RPL18A: variants seen among roughly 807,000 people sequenced by gnomAD.
RPL18A encodes ribosomal protein L18a.
For synonymous variants in RPL18A, 122 were observed against 96.9 expected, an observed-to-expected ratio of 1.26 and a Z score of -1.52; for missense variants, 163 against 254.1, an observed-to-expected ratio of 0.64 and a Z score of 2.44.
chr19:17,861,707 G>A (rs1243522960), intron 2 of RPL18A: 1 of 566,330 alleles, frequency 1.8e-6, no homozygotes, highest in Non-Finnish European at 3.1e-6. Context: ...CGGGTGGGTG[G>A]CATGGTGGGA....
Position 17,861,323 on chromosome 19 carries a change from C to G in RPL18A, c.49C>G (p.Leu17Val). Residue 17 changes from leucine (L) to valine (V), a missense_variant, in exon 2 of 5, where the codon CTG becomes GTG. Transcript: ENST00000222247. Reference protein sequence around the residue: ...LREYKVVGRCLPTPKCHTPPL... With the variant: ...LREYKVVGRCVPTPKCHTPPL... ...AGAGTACAAGGTAGTGGGTCGCTGCCTGCCCACCCCCAAATGCCACACGCC... is the reference window on the plus strand; with the variant it reads ...AGAGTACAAGGTAGTGGGTCGCTGCGTGCCCACCCCCAAATGCCACACGCC... 6.2e-7 allele frequency: 1 copy of G among 1,613,814 alleles called. No homozygotes were observed. Among genetic ancestry groups the G allele is most frequent in the Non-Finnish European group, 8.5e-7 (1 of 1,179,822 alleles).
intron 1 of RPL18A, among the ~76,000 whole-genome samples, chr19:17,860,535 C>G (rs879480387): frequency 6.6e-6 from 1 of 152,144 alleles, no homozygotes; most frequent in Non-Finnish European, 1.5e-5. Flanking sequence ...GTCAAAGGGG[C>G]GGGCCCCATT....
intron 1 of RPL18A, chr19:17,860,427 G>T: frequency 1.2e-5 from 2 of 166,836 alleles, no homozygotes; most frequent in Non-Finnish European, 2.6e-5. Flanking sequence ...GTACATACTG[G>T]ATAGAATCAA....
intron 1 of RPL18A, 133 bp from the exon 2 acceptor site, chr19:17,861,160 A>G: frequency 1.4e-6 from 1 of 707,606 alleles, no homozygotes; most frequent in Non-Finnish European, 2.4e-6. Context: ...CCAAGAATCC[A>G]CATGGAGGCC....
At chr19:17,863,105 G>C in intron 4 of RPL18A, 66 bp from the exon 5 acceptor site, 31 of 1,541,764 alleles carry the variant, frequency 2.0e-5, no homozygotes, top group Non-Finnish European at 2.8e-5. Flanking sequence ...GCTACACCTT[G>C]GTGGCCCCAC....
chr19:17,861,024 C>T (rs1230028454), intron 1 of RPL18A: 2 of 497,220 alleles, frequency 4.0e-6, no homozygotes, highest in Admixed American at 3.6e-5. Context: ...CCACAGCTTT[C>T]CTGGTCTGAA....
At chr19:17,862,708 AG>A in intron 3 of RPL18A, 1 of 760,610 alleles carries the variant, frequency 1.3e-6, no homozygotes, top group South Asian at 1.4e-5. Flanking sequence ...GTGAATTTGG[AG>A]GTTCCACAAC....
At chr19:17,862,315 G>A in intron 3 of RPL18A, 92 bp downstream of exon 3, 1 of 1,479,248 alleles carries the variant, frequency 6.8e-7, no homozygotes. Context: ...CAGTGCAGGA[G>A]AGTCTCAGGA....
At position 17,859,946 on chromosome 19, in the gene RPL18A, G is replaced by C. The variant is rs747977852; in HGVS notation, c.-11G>C. ...CCTTTTGCGGGTGGCGGCGAACGCG[G>C]AGAGCACGCCATGAAGGCCTCGGGC... On this transcript the variant is annotated 5_prime_UTR_variant, in exon 1 of 5. Transcript: ENST00000222247. The C allele has an allele frequency of 2.3e-5, 36 of 1,543,596 alleles. No homozygotes were observed. Among genetic ancestry groups the C allele is most frequent in the Non-Finnish European group, 3.1e-5 (35 of 1,145,652 alleles).
At chr19:17,862,015 G>A (rs1435012365) in intron 2 of RPL18A, 79 bp from the exon 3 acceptor site, 1 of 1,532,100 alleles carries the variant, frequency 6.5e-7, no homozygotes, top group Admixed American at 1.9e-5. Flanking sequence ...GTGCTTTAGA[G>A]GCAGAGGGTT....
intron 1 of RPL18A, 56 bp downstream of exon 1, chr19:17,860,030 G>C: frequency 6.9e-7 from 1 of 1,446,596 alleles, no homozygotes. Flanking sequence ...GCCCCATCAG[G>C]GGCCTGCATA....
At chr19:17,862,303 C>G in intron 3 of RPL18A, 80 bp downstream of exon 3, 7 of 1,536,766 alleles carry the variant, frequency 4.6e-6, no homozygotes. Context: ...GCCAGAGGTT[C>G]CCAGTGCAGG....
chr19:17,860,247 G>A, intron 1 of RPL18A: 3 of 458,556 alleles, frequency 6.5e-6, no homozygotes, highest in Non-Finnish European at 1.1e-5. Flanking sequence ...GCAGCATAGA[G>A]GCCCTAGCCC....
In RPL18A at chr19:17,861,317, C is replaced by T. The variant is rs371668405; in HGVS notation, c.43C>T (p.Arg15Cys). The change falls in exon 2 of 5, where the codon CGC becomes TGC. Residue 15 changes from arginine (R) to cysteine (C), a missense_variant. By Grantham distance (180) the Arg-to-Cys change is radical. Coordinates refer to ENST00000222247, the MANE Select transcript of RPL18A (RefSeq NM_000980.4). Reference protein sequence around the residue: ...GTLREYKVVGRCLPTPKCHTP... With the variant: ...GTLREYKVVGCCLPTPKCHTP... ...GCTACGAGAGTACAAGGTAGTGGGT[C>T]GCTGCCTGCCCACCCCCAAATGCCA... is the stretch of plus-strand genomic sequence containing the variant. 6.8e-6 allele frequency: 11 copies of T among 1,613,662 alleles called. No homozygotes were observed. The highest frequency in any genetic ancestry group is 1.6e-4 in the Middle Eastern group (1 of 6,076).
At chr19:17,861,064 CA>C in intron 1 of RPL18A, 1 of 551,138 alleles carries the variant, frequency 1.8e-6, no homozygotes, top group South Asian at 2.3e-5. Flanking sequence ...GAGAGGCAGG[CA>C]ACTCAATTAA....
intron 3 of RPL18A, 53 bp downstream of exon 3, chr19:17,862,276 A>C (rs1330495753): frequency 1.9e-6 from 3 of 1,596,112 alleles, no homozygotes; most frequent in Non-Finnish European, 2.6e-6. Context: ...ACTCCCTCAC[A>C]CTGAGGCAGG....
In RPL18A at chr19:17,860,100, C is replaced by T. The variant is rs2094274379; in HGVS notation, c.18+126C>T. The T allele has an allele frequency of 6.0e-6, 5 of 830,270 alleles. No individual in the cohort carries two copies. In the South Asian group the frequency reaches 8.4e-5, roughly 14 times the overall value. The allele number at this position is 830,270 out of a possible 1,614,324, so 51.4% of individuals were successfully genotyped here. Reference sequence around the variant, plus strand: ...GTTTGGGCCCCCCTTGGCCGCGCGCCGCCTTCTCTTGTTGCACCCAACATG... The same window carrying T: ...GTTTGGGCCCCCCTTGGCCGCGCGCTGCCTTCTCTTGTTGCACCCAACATG... On this transcript the variant is annotated intron_variant, in intron 1 of 4. Transcript: ENST00000222247.
At chr19:17,860,155 G>A in intron 1 of RPL18A, 181 bp downstream of exon 1, 2 of 560,110 alleles carry the variant, frequency 3.6e-6, no homozygotes, top group Non-Finnish European at 6.0e-6. Context: ...CGTGGAGAGA[G>A]CGATGCGTGA....
At chr19:17,862,742 G>C (rs771355521) in intron 3 of RPL18A, 176 bp from the exon 4 acceptor site, 6 of 763,210 alleles carry the variant, frequency 7.9e-6, no homozygotes, top group Non-Finnish European at 7.2e-6. Flanking sequence ...TGACTGCAGG[G>C]ACCCAGGCCT....
Sources: gnomAD v4.1 joint callset for allele counts (sites outside exome capture counted in the v4.1 genomes callset) on GRCh38, gnomAD v4.1.1 for gene constraint, MANE v1.5 for transcripts, NCBI Gene and HGNC (gene_info 2026-07-23, HGNC 2026-07-21) for gene names.